Variants in ASTN2 observed in about 807,000 individuals in gnomAD.
ASTN2 encodes astrotactin 2.
ASTN2 carries 54 observed loss-of-function variants against 139.8 expected under a neutral mutation model. That is an observed-to-expected ratio of 0.39 (90% CI 0.31 to 0.48). The LOEUF (loss-of-function observed/expected upper bound fraction) is 0.48. Ranked by LOEUF, ASTN2 falls within the 20% of genes least tolerant of loss-of-function variation. The pLI is 0.95. For synonymous variants in ASTN2, 756 were observed against 719.5 expected, an observed-to-expected ratio of 1.05 and a Z score of -0.81; for missense variants, 1,565 against 1,725.1, an observed-to-expected ratio of 0.91 and a Z score of 1.64.
chr9:117,193,131 A>T (rs1034426931), intron 3 of ASTN2, among the ~76,000 whole-genome samples: 2 of 152,226 alleles, frequency 1.3e-5, no homozygotes, highest in Non-Finnish European at 2.9e-5. Context: ...AGGTGTACCC[A>T]AAGAGAAGAA....
chr9:116,531,337 A>C (rs1447759185), intron 19 of ASTN2, among the ~76,000 whole-genome samples: 1 of 152,204 alleles, frequency 6.6e-6, no homozygotes. Context: ...CTTTTGACAT[A>C]TGATACAGAG....
intron 3 of ASTN2, among the ~76,000 whole-genome samples, chr9:117,173,732 C>T (rs1830848540): frequency 2.0e-5 from 3 of 151,644 alleles, no homozygotes; most frequent in Non-Finnish European, 4.4e-5. Flanking sequence ...AAAGTTATAC[C>T]ATTTGATGCA....
chr9:116,714,167 G>C (rs1828247476), intron 16 of ASTN2, among the ~76,000 whole-genome samples: 1 of 152,120 alleles, frequency 6.6e-6, no homozygotes, highest in South Asian at 2.1e-4. Context: ...GTGTTCAGCT[G>C]TGCAAACATG....
intron 10 of ASTN2, among the ~76,000 whole-genome samples, chr9:116,867,360 A>G (rs1338613320): frequency 6.6e-6 from 1 of 151,952 alleles, no homozygotes; most frequent in African/African-American, 2.4e-5. Flanking sequence ...GACACTGAGT[A>G]AGAAAGAAAA....
At chr9:116,630,199 G>T (rs1368648620) in intron 17 of ASTN2, among the ~76,000 whole-genome samples, 3 of 152,134 alleles carry the variant, frequency 2.0e-5, no homozygotes, top group Non-Finnish European at 4.4e-5. Flanking sequence ...TGAGGCCCCA[G>T]AGAGTTTGGG....
At chr9:116,851,514 CTAGT>C (rs1342828509) in intron 11 of ASTN2, among the ~76,000 whole-genome samples, 14 of 149,708 alleles carry the variant, frequency 9.4e-5, no homozygotes, top group Non-Finnish European at 1.9e-4. Flanking sequence ...ATCTATCTAT[CTAGT>C]TATCTATCTA....
chr9:116,632,191 A>AGAGG (rs1564168902), intron 17 of ASTN2, among the ~76,000 whole-genome samples: 4 of 20,888 alleles, frequency 1.9e-4, no homozygotes, highest in African/African-American at 5.4e-4. Flanking sequence ...AGAGGGAGAG[A>AGAGG]GAGAGAAAGA....
At chr9:117,141,566 C>T (rs1467967140) in intron 3 of ASTN2, 88 bp from the exon 4 acceptor site, 7 of 1,206,654 alleles carry the variant, frequency 5.8e-6, no homozygotes, top group African/African-American at 1.6e-5. Context: ...CTTGAGCCCA[C>T]CTTCAGCCCC....
At chr9:117,012,228 C>T (rs1438821073) in intron 6 of ASTN2, among the ~76,000 whole-genome samples, 3 of 152,146 alleles carry the variant, frequency 2.0e-5, no homozygotes, top group South Asian at 2.1e-4. Context: ...AGCCAGAATA[C>T]AAGACTAGCC....
At chr9:116,430,068 G>T (rs1267577248) in intron 22 of ASTN2, among the ~76,000 whole-genome samples, 1 of 152,192 alleles carries the variant, frequency 6.6e-6, no homozygotes, top group Non-Finnish European at 1.5e-5. Flanking sequence ...ACTCTTCCAA[G>T]CCATGATGTA....
At chr9:116,483,319 G>C (rs994340056) in intron 20 of ASTN2, among the ~76,000 whole-genome samples, 3 of 152,214 alleles carry the variant, frequency 2.0e-5, no homozygotes, top group African/African-American at 7.2e-5. Flanking sequence ...TGTTACACCA[G>C]GGTGAGCTTA....
At chr9:116,429,818 T>G (rs1847439225) in intron 22 of ASTN2, among the ~76,000 whole-genome samples, 2 of 152,174 alleles carry the variant, frequency 1.3e-5, no homozygotes, top group African/African-American at 4.8e-5. Context: ...CGTATGCTGT[T>G]CTGGGAATAT....
At chr9:116,960,475 T>C (rs1028590478) in intron 10 of ASTN2, among the ~76,000 whole-genome samples, 1 of 552 alleles carries the variant, frequency 1.8e-3, no homozygotes, top group African/African-American at 2.4e-3. Flanking sequence ...TAGGCCTGAT[T>C]TTTTTTTTTT....
At chr9:117,213,796 C>T (rs969514173) in intron 3 of ASTN2, among the ~76,000 whole-genome samples, 6 of 152,068 alleles carry the variant, frequency 3.9e-5, no homozygotes, top group Non-Finnish European at 7.4e-5. Context: ...TCTGTCTAGA[C>T]GGCAGTGACC....
intron 3 of ASTN2, among the ~76,000 whole-genome samples, chr9:117,166,693 T>C (rs1830677493): frequency 6.6e-6 from 1 of 152,128 alleles, no homozygotes; most frequent in African/African-American, 2.4e-5. Flanking sequence ...AGATAAATCT[T>C]TCCTGACCCT....
Position 116,496,707 on chromosome 9 carries a change from A to G in ASTN2, c.3356-9207T>C, listed in dbSNP as rs1056267754. On this transcript the variant is annotated intron_variant, in intron 19 of 22. Coordinates refer to ENST00000313400, the MANE Select transcript of ASTN2 (RefSeq NM_001365068.1). ...TCTGAGACTGGGTAATTTATAAGAA[A>G]AAGAGGTTTAATGAACTCACAGTTC... Among the ~76,000 whole-genome samples the G allele has an allele frequency of 2.0e-5, 3 of 152,186 alleles. No individual in the cohort carries two copies. In the East Asian group the frequency reaches 5.8e-4, roughly 29 times the overall value.
chr9:117,331,755 G>A lies in ASTN2; in HGVS notation c.443-40242C>T, dbSNP rs140969661. On this transcript the variant is annotated intron_variant, in intron 1 of 22. Coordinates refer to ENST00000313400, the MANE Select transcript of ASTN2 (RefSeq NM_001365068.1). Reference sequence around the variant, plus strand: ...AAGATTAAAACAAAAGCCCATCGAAGATTTAAAAACCAAAAACGAAGTCTG... The same window carrying A: ...AAGATTAAAACAAAAGCCCATCGAAAATTTAAAAACCAAAAACGAAGTCTG... Among the ~76,000 whole-genome samples, 404 of 152,252 alleles carry A rather than the reference G, an allele frequency of 2.7e-3. 3 individuals are homozygous for A. Among genetic ancestry groups the A allele is most frequent in the African/African-American group, 9.3e-3 (387 of 41,566 alleles).
At chr9:116,794,488 G>T (rs1830640686) in intron 13 of ASTN2, among the ~76,000 whole-genome samples, 1 of 152,158 alleles carries the variant, frequency 6.6e-6, no homozygotes, top group Non-Finnish European at 1.5e-5. Context: ...GCAGGCTGTG[G>T]GTTGGATGAG....
intron 4 of ASTN2, among the ~76,000 whole-genome samples, chr9:117,105,083 T>A (rs916022314): frequency 2.0e-5 from 3 of 151,946 alleles, no homozygotes; most frequent in Non-Finnish European, 4.4e-5. Flanking sequence ...CATAACAAAA[T>A]CTCCCATCCT....
Sources: gnomAD v4.1 joint callset for allele counts (sites outside exome capture counted in the v4.1 genomes callset) on GRCh38, gnomAD v4.1.1 for gene constraint, MANE v1.5 for transcripts, NCBI Gene and HGNC (gene_info 2026-07-23, HGNC 2026-07-21) for gene names.